Variants in GLRA2 observed in about 807,000 individuals in gnomAD.
GLRA2 encodes the protein glycine receptor subunit alpha-2.
In GLRA2, 11 loss-of-function variants were observed where a neutral mutation model predicts 31.6. That is an observed-to-expected ratio of 0.35 (90% confidence interval 0.22 to 0.58). The LOEUF (loss-of-function observed/expected upper bound fraction) is 0.58, where lower values mean the gene tolerates loss of function less well. Ranked by LOEUF, GLRA2 falls within the 20% of genes least tolerant of loss-of-function variation. The pLI is 0.84. For synonymous variants in GLRA2, 132 were observed against 134.0 expected, an observed-to-expected ratio of 0.99 and a Z score of 0.10; for missense variants, 212 against 351.8, an observed-to-expected ratio of 0.60 and a Z score of 3.18.
intron 8 of GLRA2, among the ~76,000 whole-genome samples, chrX:14,700,890 A>C (rs2091531422): frequency 9.1e-6 from 1 of 109,769 alleles, no homozygotes; most frequent in African/African-American, 3.3e-5. Flanking sequence ...TATTACTTAC[A>C]GGAGTTTTGA....
At chrX:14,449,940 A>G in the GLRA2 span, among the ~76,000 whole-genome samples, 4 of 111,662 alleles carry the variant, frequency 3.6e-5, no homozygotes, top group Admixed American at 3.8e-4. Context: ...CTCCCTGCAC[A>G]AGACCAGTCC....
At chrX:14,697,786 T>C (rs991412445) in intron 8 of GLRA2, among the ~76,000 whole-genome samples, 1 of 112,015 alleles carries the variant, frequency 8.9e-6, no homozygotes, top group Non-Finnish European at 1.9e-5. Context: ...TCTGTACACA[T>C]AAAAAGGAAA....
the GLRA2 span, among the ~76,000 whole-genome samples, chrX:14,484,940 C>T: frequency 8.9e-6 from 1 of 112,457 alleles, no homozygotes; most frequent in Non-Finnish European, 1.9e-5. Context: ...ACTCAGATAA[C>T]ACAGACATCT....
chrX:14,533,599 A>G (rs2089286129), intron 2 of GLRA2, among the ~76,000 whole-genome samples: 1 of 110,902 alleles, frequency 9.0e-6, no homozygotes, highest in Non-Finnish European at 1.9e-5. Flanking sequence ...AATATTTGAA[A>G]TAAAATCTTG....
chrX:14,542,490 G>A (rs1163421768), intron 2 of GLRA2, among the ~76,000 whole-genome samples: 1 of 111,357 alleles, frequency 9.0e-6, no homozygotes, highest in Non-Finnish European at 1.9e-5. Context: ...GAAAGTTACT[G>A]ACATCAGTCT....
intron 8 of GLRA2, among the ~76,000 whole-genome samples, chrX:14,713,090 A>G: frequency 8.9e-6 from 1 of 112,208 alleles, no homozygotes; most frequent in African/African-American, 3.2e-5. Context: ...GTGGATATAT[A>G]TAGAGAGAGA....
chrX:14,597,425 T>C (rs1356178312), intron 4 of GLRA2, among the ~76,000 whole-genome samples: 5 of 112,271 alleles, frequency 4.5e-5, no homozygotes, highest in African/African-American at 1.6e-4. Context: ...CCTTCACTTA[T>C]AGTTTATAAT....
the GLRA2 span, among the ~76,000 whole-genome samples, chrX:14,457,316 C>T: frequency 2.7e-5 from 3 of 111,260 alleles, no homozygotes; most frequent in African/African-American, 3.3e-5. Context: ...CCGTCACCTA[C>T]GTTAGGTGTT....
intron 2 of GLRA2, among the ~76,000 whole-genome samples, chrX:14,565,799 G>A (rs771850701): frequency 9.0e-5 from 10 of 111,164 alleles, no homozygotes; most frequent in African/African-American, 3.3e-4. Flanking sequence ...AAAACACAAC[G>A]TACCAAAACT....
At position 14,529,676 on chromosome X, in the gene GLRA2, C is replaced by T. The variant is rs1293070043; in HGVS notation, c.-382C>T. The T allele has an allele frequency of 6.2e-6, 1 of 161,733 alleles. No individual in the cohort carries two copies. The highest frequency in any genetic ancestry group is 1.2e-5 in the Non-Finnish European group (1 of 86,655). The allele number at this position is 161,733 out of a possible 1,213,427, so 13.3% of individuals were successfully genotyped here. On this transcript the variant is annotated 5_prime_UTR_variant, in exon 1 of 9. Transcript: ENST00000218075. ...AAGAAAACATTTTCTAGAAAAAGGG[C>T]TTTGCTAAACAGAAAAGATATAAAA...
chrX:14,549,053 C>G lies in GLRA2; in HGVS notation c.202+16681C>G, dbSNP rs367625056. On this transcript the variant is annotated intron_variant, in intron 2 of 8. Coordinates refer to ENST00000218075, the MANE Select transcript of GLRA2 (RefSeq NM_002063.4). Reference sequence around the variant, plus strand: ...TAATAGTGATGACCTTTATTTTTCTCTAGAGGGCCCGTGGTACAGGAGAAC... The same window carrying G: ...TAATAGTGATGACCTTTATTTTTCTGTAGAGGGCCCGTGGTACAGGAGAAC... 4.5e-5 allele frequency among the ~76,000 whole-genome samples: 5 copies of G among 111,989 alleles called. No individual in the cohort carries two copies. In the South Asian group the frequency reaches 1.9e-3, roughly 42 times the overall value.
chrX:14,581,451 C>T (rs762788563), intron 4 of GLRA2, 45 bp downstream of exon 4: 6 of 716,996 alleles, frequency 8.4e-6, no homozygotes, highest in Non-Finnish European at 1.3e-5. Flanking sequence ...CATTTCTCCA[C>T]TAATGTAGAG....
At chrX:14,489,263 G>A in the GLRA2 span, among the ~76,000 whole-genome samples, 60 of 111,472 alleles carry the variant, frequency 5.4e-4, no homozygotes, top group Middle Eastern at 4.6e-3. Flanking sequence ...ATTGTATGGT[G>A]ATTTGGGGAC....
At chrX:14,721,052 C>T (rs2091858123) in intron 8 of GLRA2, among the ~76,000 whole-genome samples, 1 of 104,919 alleles carries the variant, frequency 9.5e-6, no homozygotes, top group Non-Finnish European at 1.9e-5. Flanking sequence ...TCTGGGTAGT[C>T]GAGGCTGCAG....
chrX:14,521,361 T>TTCTCTC, the GLRA2 span, among the ~76,000 whole-genome samples: 1 of 110,262 alleles, frequency 9.1e-6, no homozygotes, highest in African/African-American at 3.3e-5. Flanking sequence ...GCAACTTCAT[T>TTCTCTC]TCTCTCTCTC....
the GLRA2 span, among the ~76,000 whole-genome samples, chrX:14,508,003 A>G: frequency 1.8e-5 from 2 of 111,147 alleles, no homozygotes; most frequent in Non-Finnish European, 3.8e-5. Flanking sequence ...TCTTAAGGAT[A>G]TTCAATGACT....
At chrX:14,461,925 T>G in the GLRA2 span, among the ~76,000 whole-genome samples, 2 of 112,324 alleles carry the variant, frequency 1.8e-5, no homozygotes, top group Non-Finnish European at 3.8e-5. Context: ...TGTTAATTGA[T>G]GCAGTTTCTT....
At chrX:14,550,271 T>A (rs1484799467) in intron 2 of GLRA2, among the ~76,000 whole-genome samples, 14 of 107,965 alleles carry the variant, frequency 1.3e-4, no homozygotes, top group African/African-American at 4.0e-4. Context: ...TTTTTTTTTT[T>A]TTAAAATTAA....
At chrX:14,592,729 C>A (rs190035386) in intron 4 of GLRA2, among the ~76,000 whole-genome samples, 1 of 111,989 alleles carries the variant, frequency 8.9e-6, no homozygotes, top group African/African-American at 3.2e-5. Context: ...GTATCAAGTG[C>A]CCTGAGAAAC....
Sources: gnomAD v4.1 joint callset for allele counts (sites outside exome capture counted in the v4.1 genomes callset) on GRCh38, gnomAD v4.1.1 for gene constraint, MANE v1.5 for transcripts, NCBI Gene and HGNC (gene_info 2026-07-23, HGNC 2026-07-21) for gene names.